Variants in PLAC1 observed in about 807,000 individuals in gnomAD.
PLAC1 encodes the protein placenta associated 1, also known as placenta-specific protein 1.
For missense variants in PLAC1, 136 were observed against 163.2 expected, an observed-to-expected ratio of 0.83 and a Z score of 0.91; for synonymous variants, 68 against 62.1, an observed-to-expected ratio of 1.09 and a Z score of -0.44.
At chrX:134,686,641 C>T (rs1207123805) in intron 2 of PLAC1, among the ~76,000 whole-genome samples, 1 of 111,484 alleles carries the variant, frequency 9.0e-6, no homozygotes, top group East Asian at 2.8e-4. Context: ...TTTTAAAGAT[C>T]CTCCTTCAAC....
intron 2 of PLAC1, among the ~76,000 whole-genome samples, chrX:134,592,375 C>A (rs888743710): frequency 2.7e-5 from 3 of 112,072 alleles, no homozygotes; most frequent in African/African-American, 6.5e-5. Flanking sequence ...GCCACAGTAC[C>A]CAGATATTTG....
At chrX:134,605,588 G>A (rs2078118737) in intron 1 of PLAC1, 2 of 112,673 alleles carry the variant, frequency 1.8e-5, no homozygotes, top group Admixed American at 9.4e-5. Flanking sequence ...TAGCTAAAAA[G>A]TGCTATCAGC....
chrX:134,668,502 C>T (rs1406863531), intron 2 of PLAC1, among the ~76,000 whole-genome samples: 3 of 112,852 alleles, frequency 2.7e-5, no homozygotes, highest in African/African-American at 9.7e-5. Context: ...CCCAGAGTCA[C>T]TCTGTCTAGA....
intron 2 of PLAC1, among the ~76,000 whole-genome samples, chrX:134,600,036 C>CATT (rs759904550): frequency 1.3e-3 from 143 of 109,708 alleles, no homozygotes; most frequent in African/African-American, 3.6e-3. Context: ...AGGCTCAGAG[C>CATT]ATTATTATTA....
intron 1 of PLAC1, among the ~76,000 whole-genome samples, chrX:134,610,609 G>A (rs992346155): frequency 9.0e-6 from 1 of 110,980 alleles, no homozygotes; most frequent in African/African-American, 3.3e-5. Flanking sequence ...TAAAACAAGG[G>A]CATTTTGCAT....
intron 2 of PLAC1, among the ~76,000 whole-genome samples, chrX:134,693,916 T>C (rs750532582): frequency 4.4e-4 from 49 of 111,187 alleles, no homozygotes; most frequent in Non-Finnish European, 9.1e-4. Context: ...TGCAAGCCAA[T>C]TGGCTTGGTT....
intron 2 of PLAC1, among the ~76,000 whole-genome samples, chrX:134,695,385 A>G (rs2078559251): frequency 8.9e-6 from 1 of 112,489 alleles, no homozygotes; most frequent in East Asian, 2.8e-4. Context: ...AACTAAAATA[A>G]CCAGAAAGCT....
At chrX:134,574,699 G>T (rs952889060) in intron 2 of PLAC1, among the ~76,000 whole-genome samples, 1 of 111,653 alleles carries the variant, frequency 9.0e-6, no homozygotes, top group Non-Finnish European at 1.9e-5. Flanking sequence ...AGAAGACAAA[G>T]TGGAACTCTC....
chrX:134,607,546 G>C, intron 1 of PLAC1: 1 of 176,074 alleles, frequency 5.7e-6, no homozygotes, highest in Non-Finnish European at 1.1e-5. Flanking sequence ...GCACCAGCCC[G>C]CTCCACCCAG....
intron 2 of PLAC1, among the ~76,000 whole-genome samples, chrX:134,680,545 G>A (rs9306835): frequency 9.1e-4 from 45 of 49,655 alleles, no homozygotes; most frequent in Admixed American, 1.1e-3. Context: ...AAACTAAACT[G>A]AACTAAACTA....
At chrX:134,574,917 C>T (rs2077929411) in intron 2 of PLAC1, among the ~76,000 whole-genome samples, 1 of 111,592 alleles carries the variant, frequency 9.0e-6, no homozygotes, top group Non-Finnish European at 1.9e-5. Flanking sequence ...TCCAAGGATT[C>T]CCTTAGCTAG....
intron 1 of PLAC1, chrX:134,605,615 G>A (rs1013188342): frequency 8.9e-6 from 1 of 112,494 alleles, no homozygotes. Flanking sequence ...GCTCATCATT[G>A]AGTGACCTGA....
At chrX:134,679,847 T>C (rs1454804967) in intron 2 of PLAC1, among the ~76,000 whole-genome samples, 1 of 112,134 alleles carries the variant, frequency 8.9e-6, no homozygotes, top group Non-Finnish European at 1.9e-5. Context: ...GAGATTCACT[T>C]CCTTTTTTGG....
At chrX:134,755,856 CT>C (rs776901556) in intron 1 of PLAC1, among the ~76,000 whole-genome samples, 687 of 45,529 alleles carry the variant, frequency 0.015, no homozygotes, top group African/African-American at 0.055. Flanking sequence ...CCTTTTCTTT[CT>C]TTTTTTTTTT....
chrX:134,627,757 C>A (rs953819045), intron 1 of PLAC1, among the ~76,000 whole-genome samples: 1 of 112,150 alleles, frequency 8.9e-6, no homozygotes, highest in African/African-American at 3.2e-5. Context: ...GGTCCTGGGG[C>A]CTATCTTTCC....
intron 2 of PLAC1, among the ~76,000 whole-genome samples, chrX:134,664,736 G>T (rs895271909): frequency 1.8e-5 from 2 of 111,696 alleles, no homozygotes; most frequent in African/African-American, 6.5e-5. Context: ...AAAGAGAGGT[G>T]AGAAGCACTA....
intron 1 of PLAC1, among the ~76,000 whole-genome samples, chrX:134,657,853 G>C (rs1422073195): frequency 9.0e-6 from 1 of 111,499 alleles, no homozygotes; most frequent in Non-Finnish European, 1.9e-5. Context: ...AGATAAGTAG[G>C]AGAGTAAAGG....
At chrX:134,665,475 G>T (rs1220842973) in intron 2 of PLAC1, among the ~76,000 whole-genome samples, 1 of 111,856 alleles carries the variant, frequency 8.9e-6, no homozygotes, top group Non-Finnish European at 1.9e-5. Flanking sequence ...TCTAGGTTTG[G>T]ATTATAATGG....
At chrX:134,607,403 C>A in intron 1 of PLAC1, 1 of 128,253 alleles carries the variant, frequency 7.8e-6, no homozygotes, top group South Asian at 2.5e-4. Context: ...AGATTCTTGC[C>A]AAGAGAATTA....
Sources: allele counts gnomAD v4.1 joint callset (sites outside exome capture counted in the v4.1 genomes callset), GRCh38; gene constraint gnomAD v4.1.1; transcripts MANE v1.5; gene names NCBI Gene and HGNC (gene_info 2026-07-23, HGNC 2026-07-21).